CREB1: variants seen among roughly 807,000 people sequenced by gnomAD.
CREB1 encodes cyclic AMP-responsive element-binding protein 1.
In CREB1, 2 loss-of-function variants were observed where a neutral mutation model predicts 42.0. That is an observed-to-expected ratio of 0.05 (90% CI 0.02 to 0.15). CREB1 has a LOEUF of 0.15. CREB1 is among the 10% of genes least tolerant of loss of function. The pLI, the probability that CREB1 is intolerant of heterozygous loss-of-function variation, is 1.00. For synonymous variants in CREB1, 123 were observed against 139.9 expected, an observed-to-expected ratio of 0.88 and a Z score of 0.85; for missense variants, 199 against 388.9, an observed-to-expected ratio of 0.51 and a Z score of 4.11.
intron 5 of CREB1, among the ~76,000 whole-genome samples, chr2:207,570,707 T>C (rs891066964): frequency 3.3e-5 from 5 of 152,210 alleles, no homozygotes; most frequent in Non-Finnish European, 5.9e-5. Context: ...TTTAATAGTT[T>C]GTCTTGCCTT....
intron 1 of CREB1, among the ~76,000 whole-genome samples, chr2:207,540,411 C>T (rs1008442864): frequency 6.6e-6 from 1 of 151,822 alleles, no homozygotes; most frequent in African/African-American, 2.4e-5. Context: ...GAGGCTGAGT[C>T]AGGCGGGTTG....
At chr2:207,590,083 G>GTTTTTTTTTTTTTTTTTTTTT (rs59126515) in intron 7 of CREB1, among the ~76,000 whole-genome samples, 1 of 76,154 alleles carries the variant, frequency 1.3e-5, no homozygotes, top group African/African-American at 4.8e-5. Context: ...ATTTTGAGAA[G>GTTTTTTTTTTTTTTTTTTTTT]TTTTTTTTTT....
intron 3 of CREB1, among the ~76,000 whole-genome samples, chr2:207,564,640 A>T (rs907849096): frequency 1.3e-5 from 2 of 152,188 alleles, no homozygotes; most frequent in African/African-American, 2.4e-5. Flanking sequence ...CATTGTTTTG[A>T]TTGGTTCTAG....
chr2:207,560,242 C>G lies in CREB1; in HGVS notation c.131C>G (p.Ala44Gly). ...ATLAQVSMPA[A>G]HATSSAPTVT... ...ACACCATAGGTATCTATGCCAGCAG[C>G]TCATGCAACATCATCTGCTCCCACC... Residue 44 changes from alanine (A) to glycine (G), a missense_variant, in exon 3 of 8, where the codon GCT becomes GGT. Physicochemically the swap from Ala to Gly is moderately conservative, Grantham distance 60 (BLOSUM62 0). Coordinates refer to ENST00000353267, the MANE Select transcript of CREB1 (RefSeq NM_004379.5). 1.2e-6 allele frequency: 2 copies of G among 1,610,816 alleles called. No individual in the cohort carries two copies. Among genetic ancestry groups the G allele is most frequent in the Non-Finnish European group, 1.7e-6 (2 of 1,177,638 alleles).
intron 5 of CREB1, among the ~76,000 whole-genome samples, chr2:207,574,863 G>C (rs562329231): frequency 1.3e-5 from 2 of 152,270 alleles, no homozygotes; most frequent in Admixed American, 1.3e-4. Context: ...TGTGCTAAGT[G>C]TATGAAAGTA....
intron 2 of CREB1, 26 bp from the exon 3 acceptor site, chr2:207,560,200 A>T: frequency 6.5e-7 from 1 of 1,538,072 alleles, no homozygotes; most frequent in South Asian, 1.2e-5. Context: ...TGGGATGATA[A>T]TTCTTTTCTG....
At chr2:207,593,876 C>T (rs1041074715) in intron 7 of CREB1, among the ~76,000 whole-genome samples, 1 of 151,932 alleles carries the variant, frequency 6.6e-6, no homozygotes, top group Non-Finnish European at 1.5e-5. Context: ...CTGCCACCAT[C>T]CCCAGCTAAT....
At chr2:207,562,210 A>G (rs1302643632) in intron 3 of CREB1, among the ~76,000 whole-genome samples, 1 of 152,214 alleles carries the variant, frequency 6.6e-6, no homozygotes, top group African/African-American at 2.4e-5. Context: ...TTGATTTGCT[A>G]GTGAGGAGAC....
Position 207,604,889 on chromosome 2 carries a change from A to G in CREB1, c.*7831A>G, listed in dbSNP as rs2087827264. Among the ~76,000 whole-genome samples the G allele has an allele frequency of 6.6e-6, 1 of 152,202 alleles. No individual in the cohort carries two copies. The highest frequency in any genetic ancestry group is 2.4e-5 in the African/African-American group (1 of 41,436). On this transcript the variant is annotated 3_prime_UTR_variant, in exon 8 of 8. Transcript: ENST00000353267. Reference sequence around the variant, plus strand: ...GTTGTTGAGGTTGATCCATTGTAACATGTTATCACTACTTCATTCCTTTTT... The same window carrying G: ...GTTGTTGAGGTTGATCCATTGTAACGTGTTATCACTACTTCATTCCTTTTT...
intron 1 of CREB1, among the ~76,000 whole-genome samples, chr2:207,531,165 G>T (rs2080607566): frequency 6.6e-6 from 1 of 152,020 alleles, no homozygotes; most frequent in South Asian, 2.1e-4. Context: ...GAAACACTTC[G>T]TTGGAACGAG....
At chr2:207,564,510 TAA>T in intron 3 of CREB1, among the ~76,000 whole-genome samples, 1 of 145,562 alleles carries the variant, frequency 6.9e-6, no homozygotes. Context: ...TCCTGTCTCT[TAA>T]AAAAAAAAAA....
intron 1 of CREB1, among the ~76,000 whole-genome samples, chr2:207,541,195 G>T (rs1190230969): frequency 1.3e-5 from 2 of 151,918 alleles, no homozygotes; most frequent in African/African-American, 2.4e-5. Context: ...CTCCAGCCTG[G>T]GTGACAAGAG....
In CREB1 at chr2:207,575,380, C is replaced by A. The variant is rs1559048787; in HGVS notation, c.614C>A (p.Thr205Asn). ...MTNAAATQPG[T>N]TILQYAQTTD... ...AATGCAGCAGCCACTCAGCCGGGTACTACCATTCTACAGTATGCACAGACC... is the reference window on the plus strand; with the variant it reads ...AATGCAGCAGCCACTCAGCCGGGTAATACCATTCTACAGTATGCACAGACC... The change falls in exon 6 of 8, where the codon ACT (threonine) becomes AAT (asparagine). Residue 205 changes from threonine to asparagine, a missense_variant. Around this residue, in one of 4 missense-constraint regions of CREB1, gnomAD observed 66 missense variants for 88.1 expected, o/e 0.75. Coordinates refer to ENST00000353267, the MANE Select transcript of CREB1 (RefSeq NM_004379.5). The A allele has an allele frequency of 6.2e-7, 1 of 1,614,126 alleles. No homozygotes were observed. Among genetic ancestry groups the A allele is most frequent in the Non-Finnish European group, 8.5e-7 (1 of 1,180,010 alleles).
In CREB1 at chr2:207,603,154, C is replaced by A. The variant is rs1344486380; in HGVS notation, c.*6096C>A. 1 of 211,208 alleles carries A rather than the reference C, an allele frequency of 4.7e-6. No homozygotes were observed. The highest frequency in any genetic ancestry group is 9.6e-6 in the Non-Finnish European group (1 of 104,200). The allele number at this position is 211,208 out of a possible 1,614,324, so 13.1% of individuals were successfully genotyped here. On this transcript the variant is annotated 3_prime_UTR_variant, in exon 8 of 8. Coordinates refer to ENST00000353267, the MANE Select transcript of CREB1 (RefSeq NM_004379.5). The stretch of plus-strand genomic sequence containing the variant: ...AAAATTCCCTACATTCTAGAAACAT[C>A]CCTGTTTTAATTTTTTTATCTAAAT...
At chr2:207,582,493 T>C (rs2083094759) in intron 7 of CREB1, among the ~76,000 whole-genome samples, 2 of 152,238 alleles carry the variant, frequency 1.3e-5, no homozygotes, top group Admixed American at 6.5e-5. Flanking sequence ...TTATTTATTA[T>C]GTTGTTCATA....
At chr2:207,558,883 T>G (rs2081843793) in intron 2 of CREB1, among the ~76,000 whole-genome samples, 2 of 152,082 alleles carry the variant, frequency 1.3e-5, no homozygotes, top group South Asian at 4.1e-4. Context: ...CCTCAGATGA[T>G]CCACCCGCCT....
At chr2:207,591,136 G>A (rs2084955774) in intron 7 of CREB1, among the ~76,000 whole-genome samples, 1 of 152,026 alleles carries the variant, frequency 6.6e-6, no homozygotes, top group Non-Finnish European at 1.5e-5. Context: ...TGTCATTCAG[G>A]TGTACTGTAT....
At chr2:207,575,523 AAAAG>A in intron 6 of CREB1, 69 bp downstream of exon 6, 2 of 1,352,754 alleles carry the variant, frequency 1.5e-6, no homozygotes, top group South Asian at 1.5e-5. Flanking sequence ...AACTCACAGA[AAAAG>A]TAAGTATCAT....
In CREB1 at chr2:207,605,571, G is replaced by GTGTTA. The variant is rs72258540; in HGVS notation, c.*8518_*8522dup. Among the ~76,000 whole-genome samples, 1 of 151,980 alleles carries GTGTTA rather than the reference G, an allele frequency of 6.6e-6. No homozygotes were observed. Among genetic ancestry groups the GTGTTA allele is most frequent in the Non-Finnish European group, 1.5e-5 (1 of 68,004 alleles). On this transcript the variant is annotated 3_prime_UTR_variant, in exon 8 of 8. Transcript: ENST00000353267. ...AAGGGCAAACTGTAAGAAGTTTTTT[G>GTGTTA]TGTTATGTTTTTTGTGACAGTCTGT...
Sources: gnomAD v4.1 joint callset for allele counts (sites outside exome capture counted in the v4.1 genomes callset) on GRCh38, gnomAD v4.1.1 for gene constraint, gnomAD v4.1.1 regional missense constraint, MANE v1.5 for transcripts, NCBI Gene and HGNC (gene_info 2026-07-23, HGNC 2026-07-21) for gene names.